Variants in CDIP1 observed in about 807,000 individuals in gnomAD.
The protein encoded by CDIP1 is cell death inducing p53 target 1, also known as cell death-inducing p53-target protein 1.
Under a neutral mutation model 17.7 loss-of-function variants are expected in CDIP1, and 9 were observed. That is an observed-to-expected ratio of 0.51 (90% confidence interval 0.31 to 0.89). The LOEUF is 0.89. Among genes scored for constraint, CDIP1 ranks in the 40% least tolerant of loss-of-function variants. The probability of loss-of-function intolerance (pLI) is 0.05; values close to 1 mark genes in which losing one functional copy is unlikely to be tolerated. For synonymous variants in CDIP1, 117 were observed against 109.5 expected (o/e 1.07, Z -0.43); for missense variants, 263 against 277.9 (o/e 0.95, Z 0.38).
chr16:4,535,625 G>C (rs568914513), intron 1 of CDIP1, among the ~76,000 whole-genome samples: 1 of 152,328 alleles, frequency 6.6e-6, no homozygotes, highest in South Asian at 2.1e-4. Context: ...TGACAGAGAG[G>C]TCTCCACGTC....
chr16:4,533,523 T>G (rs2059076201), intron 1 of CDIP1: 1 of 152,298 alleles, frequency 6.6e-6, no homozygotes, highest in South Asian at 2.1e-4. Flanking sequence ...GCTCCAGACC[T>G]TTCTCGTCTC....
intron 1 of CDIP1, chr16:4,533,356 G>A (rs1430161364): frequency 6.6e-6 from 1 of 152,258 alleles, no homozygotes; most frequent in Non-Finnish European, 1.5e-5. Context: ...CAGACCTTGG[G>A]GCCAGTTTCT....
intron 1 of CDIP1, among the ~76,000 whole-genome samples, chr16:4,528,189 G>A (rs1419594164): frequency 6.6e-6 from 1 of 152,186 alleles, no homozygotes; most frequent in Non-Finnish European, 1.5e-5. Flanking sequence ...AAAAGCAGTA[G>A]CACAGTGTGA....
intron 1 of CDIP1, among the ~76,000 whole-genome samples, chr16:4,529,217 A>T (rs2059030084): frequency 6.6e-6 from 1 of 152,170 alleles, no homozygotes; most frequent in African/African-American, 2.4e-5. Flanking sequence ...AGGCAAATGG[A>T]AAGTTTAGAT....
rs1233396665 is a variant in CDIP1, at chr16:4,511,850, A to C, written c.*722T>G. 6.5e-6 allele frequency: 1 copy of C among 152,980 alleles called. No homozygotes were observed. Among genetic ancestry groups the C allele is most frequent in the Non-Finnish European group, 1.5e-5 (1 of 68,704 alleles). The allele number at this position is 152,980 out of a possible 1,614,324, so 9.5% of individuals were successfully genotyped here. A position where few individuals can be genotyped will look rare whatever the true frequency, so the allele number is the denominator to read the frequency against. Reference sequence around the variant, plus strand: ...AGGCATGGCCTGAAAGGGGGTCTGCACACTGACTCAAAGGGACAAGTTCCT... The same window carrying C: ...AGGCATGGCCTGAAAGGGGGTCTGCCCACTGACTCAAAGGGACAAGTTCCT... On this transcript the variant is annotated 3_prime_UTR_variant, in exon 6 of 6. Transcript: ENST00000567695.
Position 4,513,877 on chromosome 16 carries a change from A to C in CDIP1, c.86-26T>G. 1 of 1,538,912 alleles carries C rather than the reference A, an allele frequency of 6.5e-7. No individual in the cohort carries two copies. The highest frequency in any genetic ancestry group is 8.7e-7 in the Non-Finnish European group (1 of 1,144,940). ...CTGGACAGAGAGAGGCAGAAAGAGG[A>C]GACTGAGCTGGAGCCTCTGCACGAT... On this transcript the variant is annotated intron_variant, in intron 3 of 5. Transcript: ENST00000567695. The surrounding 1 kb of genome is among the most constrained non-coding windows in gnomAD (Gnocchi z 4.1).
chr16:4,526,315 G>C (rs2059000248), intron 1 of CDIP1, among the ~76,000 whole-genome samples: 1 of 152,136 alleles, frequency 6.6e-6, no homozygotes, highest in Non-Finnish European at 1.5e-5. Context: ...TGAGGCAGGA[G>C]AATTACTTGA....
intron 1 of CDIP1, among the ~76,000 whole-genome samples, chr16:4,525,426 G>A (rs1029448658): frequency 3.9e-5 from 6 of 152,308 alleles, no homozygotes; most frequent in African/African-American, 1.4e-4. Flanking sequence ...AACGTTAATA[G>A]AGCATGCACT....
At chr16:4,529,847 G>A (rs777693822) in intron 1 of CDIP1, among the ~76,000 whole-genome samples, 15 of 152,340 alleles carry the variant, frequency 9.8e-5, no homozygotes, top group African/African-American at 2.6e-4. Context: ...GGCCACTCAC[G>A]GCCACCCAGG....
rs1432478500 is a variant in CDIP1, at chr16:4,513,308, G to C, written c.242-244C>G. ...TGGGGCCCATGACAGATGTGGCAGAGAGCCAGGCACATGGCCCGGTCCCTC... is the reference window on the plus strand; with the variant it reads ...TGGGGCCCATGACAGATGTGGCAGACAGCCAGGCACATGGCCCGGTCCCTC... On this transcript the variant is annotated intron_variant, in intron 4 of 5. Transcript: ENST00000567695. The surrounding 1 kb of genome is among the most constrained non-coding windows in gnomAD (Gnocchi z 4.1). Among the ~76,000 whole-genome samples the C allele has an allele frequency of 1.3e-5, 2 of 152,138 alleles. No homozygotes were observed. Among genetic ancestry groups the C allele is most frequent in the African/African-American group, 4.8e-5 (2 of 41,410 alleles).
Position 4,513,646 on chromosome 16 carries a change from A to G in CDIP1, c.241+50T>C, listed in dbSNP as rs1252598449. On this transcript the variant is annotated intron_variant, in intron 4 of 5. Transcript: ENST00000567695. This position sits in a 1 kb window ranked among gnomAD's most constrained non-coding sequence, Gnocchi z 4.1. ...ACTGAGGACAGCCAGCGCAGGCCAG[A>G]CAGCAGCCAGGAGTTCCCCATGCTC... 2 of 1,552,686 alleles carry G rather than the reference A, an allele frequency of 1.3e-6. No homozygotes were observed. The highest frequency in any genetic ancestry group is 1.8e-6 in the Non-Finnish European group (2 of 1,133,354).
intron 1 of CDIP1, among the ~76,000 whole-genome samples, chr16:4,525,457 C>T (rs957526195): frequency 1.3e-5 from 2 of 152,256 alleles, no homozygotes; most frequent in East Asian, 3.9e-4. Flanking sequence ...AGGTGCCCAG[C>T]ACAGGGACAT....
At chr16:4,519,871 C>A (rs555867413) in intron 1 of CDIP1, among the ~76,000 whole-genome samples, 2 of 152,208 alleles carry the variant, frequency 1.3e-5, no homozygotes, top group South Asian at 4.1e-4. Flanking sequence ...AGCCTGAGGC[C>A]CTCAACAGAA....
chr16:4,515,923 C>T (rs2058882339), intron 1 of CDIP1, among the ~76,000 whole-genome samples: 1 of 152,190 alleles, frequency 6.6e-6, no homozygotes, highest in Admixed American at 6.5e-5. Context: ...AATTCCACCC[C>T]TAGTTATCTG....
intron 1 of CDIP1, among the ~76,000 whole-genome samples, chr16:4,537,391 A>AAGGGCAGAGGGC (rs1366529896): frequency 1.3e-5 from 2 of 152,220 alleles, no homozygotes; most frequent in African/African-American, 4.8e-5. Context: ...CTTTCCGATT[A>AAGGGCAGAGGGC]AGGGCAGAGG....
intron 1 of CDIP1, among the ~76,000 whole-genome samples, chr16:4,530,402 C>G (rs1013590068): frequency 2.0e-5 from 3 of 152,172 alleles, no homozygotes; most frequent in Non-Finnish European, 4.4e-5. Context: ...GTAATCCCAG[C>G]ACTTTGGGAG....
intron 1 of CDIP1, among the ~76,000 whole-genome samples, chr16:4,517,658 C>G: frequency 6.6e-6 from 1 of 151,982 alleles, no homozygotes; most frequent in East Asian, 1.9e-4. Context: ...GGAGGATCAC[C>G]TGAGCCCAAG....
At position 4,512,241 on chromosome 16, in the gene CDIP1, C is replaced by A; in HGVS notation, c.*331G>T. 3 of 411,776 alleles carry A rather than the reference C, an allele frequency of 7.3e-6. No individual in the cohort carries two copies. The highest frequency in any genetic ancestry group is 6.9e-5 in the South Asian group (3 of 43,396). 25.5% of individuals were successfully genotyped at this position (411,776 alleles called of 1,614,324 possible). A position where few individuals can be genotyped will look rare whatever the true frequency, so the allele number is the denominator to read the frequency against. ...CCAGGGGGAAAGAGTCTGGACTGAA[C>A]CTGTACCTTGTTTGGAAACAGAGGC... On this transcript the variant is annotated 3_prime_UTR_variant, in exon 6 of 6. Transcript: ENST00000567695. This position sits in a 1 kb window ranked among gnomAD's most constrained non-coding sequence, Gnocchi z 4.6.
intron 1 of CDIP1, among the ~76,000 whole-genome samples, chr16:4,516,698 C>CTTTTTTTTTTTTT (rs767463500): frequency 1.3e-5 from 1 of 78,056 alleles, no homozygotes; most frequent in Non-Finnish European, 2.3e-5. Flanking sequence ...GTTTTAAATC[C>CTTTTTTTTTTTTT]TTTTTTTTTT....
Sources: gnomAD v4.1 joint callset for allele counts (sites outside exome capture counted in the v4.1 genomes callset) on GRCh38, gnomAD v4.1.1 for gene constraint, Gnocchi (gnomAD v3.1) non-coding constraint, MANE v1.5 for transcripts, NCBI Gene and HGNC (gene_info 2026-07-23, HGNC 2026-07-21) for gene names.